Variants in FOXP2 observed in about 807,000 individuals in gnomAD.
FOXP2 encodes forkhead box protein P2.
A neutral mutation model predicts 115.8 loss-of-function variants in FOXP2; 12 were observed. The ratio of observed to expected loss-of-function variants is 0.10; its 90% CI spans 0.07 to 0.17. The LOEUF is 0.17. Ranked by LOEUF, FOXP2 falls within the 10% of genes least tolerant of loss-of-function variation. The probability of loss-of-function intolerance (pLI) is 1.00; values close to 1 mark genes in which losing one functional copy is unlikely to be tolerated. For missense variants in FOXP2, 629 were observed against 843.5 expected, an observed-to-expected ratio of 0.75 and a Z score of 3.15; for synonymous variants, 328 against 297.7, an observed-to-expected ratio of 1.10 and a Z score of -1.05.
At chr7:114,607,221 T>G (rs1468985632) in intron 3 of FOXP2, among the ~76,000 whole-genome samples, 1 of 152,144 alleles carries the variant, frequency 6.6e-6, no homozygotes, top group Non-Finnish European at 1.5e-5. Context: ...CTTTAGTAAA[T>G]GTAATCCACC....
chr7:114,549,210 C>T (rs1008609431), intron 3 of FOXP2, among the ~76,000 whole-genome samples: 2 of 152,152 alleles, frequency 1.3e-5, no homozygotes, highest in Non-Finnish European at 2.9e-5. Context: ...TCATTTTGTT[C>T]CCACATAAAC....
intron 9 of FOXP2, among the ~76,000 whole-genome samples, chr7:114,652,948 C>G (rs1806358049): frequency 6.6e-6 from 1 of 152,032 alleles, no homozygotes; most frequent in Admixed American, 6.6e-5. Flanking sequence ...AATCAGAAAG[C>G]AATTATGTCA....
At chr7:114,563,341 A>G (rs1434556965) in intron 3 of FOXP2, among the ~76,000 whole-genome samples, 2 of 152,196 alleles carry the variant, frequency 1.3e-5, no homozygotes, top group Non-Finnish European at 2.9e-5. Context: ...GAGACTTTTG[A>G]TACAACTTCT....
chr7:114,290,070 G>A (rs1400007546), intron 2 of FOXP2, among the ~76,000 whole-genome samples: 1 of 151,816 alleles, frequency 6.6e-6, no homozygotes, highest in Non-Finnish European at 1.5e-5. Flanking sequence ...GGGACTGATA[G>A]ATCTGTTTAT....
chr7:114,534,489 A>G (rs2129277209), intron 2 of FOXP2, 128 bp from the exon 3 acceptor site: 3 of 812,654 alleles, frequency 3.7e-6, no homozygotes, highest in South Asian at 2.9e-5. Flanking sequence ...AAGATAAACA[A>G]CAATGATTCT....
intron 1 of FOXP2, among the ~76,000 whole-genome samples, chr7:114,418,040 G>T (rs567884568): frequency 6.6e-6 from 1 of 151,978 alleles, no homozygotes; most frequent in East Asian, 1.9e-4. Context: ...TTTTGTGAGG[G>T]TATATTCCTT....
intron 2 of FOXP2, among the ~76,000 whole-genome samples, chr7:114,526,193 A>AAAG: frequency 6.7e-6 from 1 of 148,626 alleles, no homozygotes; most frequent in African/African-American, 2.5e-5. Flanking sequence ...AAAAAAAAAA[A>AAAG]AAGGGCCGGA....
intron 7 of FOXP2, 142 bp downstream of exon 7, chr7:114,642,765 CTTATT>C: frequency 3.7e-6 from 1 of 266,968 alleles, no homozygotes; most frequent in African/African-American, 2.8e-5. Context: ...GATTATTTAT[CTTATT>C]TTATATATAA....
intron 1 of FOXP2, among the ~76,000 whole-genome samples, chr7:114,103,515 G>A (rs1689670018): frequency 6.6e-6 from 1 of 151,944 alleles, no homozygotes; most frequent in Non-Finnish European, 1.5e-5. Flanking sequence ...TGTAAACCTT[G>A]TAGATTACAC....
intron 2 of FOXP2, among the ~76,000 whole-genome samples, chr7:114,365,844 A>G (rs1351170551): frequency 6.6e-6 from 1 of 152,122 alleles, no homozygotes; most frequent in East Asian, 1.9e-4. Flanking sequence ...TCTACCATCT[A>G]TGGCTATTTG....
intron 2 of FOXP2, among the ~76,000 whole-genome samples, chr7:114,457,688 G>T (rs1030343712): frequency 6.6e-6 from 1 of 152,166 alleles, no homozygotes; most frequent in Non-Finnish European, 1.5e-5. Context: ...CACGAGGTCA[G>T]GAGATCGAGA....
chr7:114,484,068 T>A (rs906924234), intron 2 of FOXP2, among the ~76,000 whole-genome samples: 1 of 151,814 alleles, frequency 6.6e-6, no homozygotes, highest in African/African-American at 2.4e-5. Context: ...CAGAATTCCC[T>A]ATAATATAAA....
At chr7:114,381,481 C>T (rs1397847108) in intron 2 of FOXP2, among the ~76,000 whole-genome samples, 8 of 152,174 alleles carry the variant, frequency 5.3e-5, no homozygotes, top group Non-Finnish European at 8.8e-5. Flanking sequence ...TATCCTTGAA[C>T]CCTTGGGGTA....
intron 1 of FOXP2, among the ~76,000 whole-genome samples, chr7:114,147,728 A>T (rs1792415065): frequency 6.6e-6 from 1 of 152,216 alleles, no homozygotes; most frequent in Non-Finnish European, 1.5e-5. Flanking sequence ...GAGCTAGTTT[A>T]TCTCATTAGT....
At chr7:114,673,655 T>C (rs751407715) in intron 16 of FOXP2, among the ~76,000 whole-genome samples, 2 of 152,168 alleles carry the variant, frequency 1.3e-5, no homozygotes, top group Non-Finnish European at 2.9e-5. Flanking sequence ...TATAAAATTA[T>C]GTTTCACTGA....
Position 114,664,717 on chromosome 7 carries a change from T to A in FOXP2, c.2003+281T>A, listed in dbSNP as rs568252567. On this transcript the variant is annotated intron_variant, in intron 16 of 16. Coordinates refer to ENST00000350908, the MANE Select transcript of FOXP2 (RefSeq NM_014491.4). ...GGCATAAAGCAGTGTCTAAGATGAA[T>A]CTACATCTTATGGGTCATTATCACA... The A allele has an allele frequency of 1.5e-4, 64 of 439,394 alleles. No individual in the cohort carries two copies. In the East Asian group the frequency reaches 3.0e-3, roughly 21 times the overall value. 27.2% of individuals were successfully genotyped at this position (439,394 alleles called of 1,614,324 possible).
At position 114,310,103 on chromosome 7, in the gene FOXP2, T is replaced by C. The variant is rs557414683; in HGVS notation, c.-11+21994T>C. ...TTTTGGTTACTGCTACCTTGAGTTATGCCCATCGAGCTGAGTAAGTAAGCA... is the reference window on the plus strand; with the variant it reads ...TTTTGGTTACTGCTACCTTGAGTTACGCCCATCGAGCTGAGTAAGTAAGCA... On this transcript the variant is annotated intron_variant, in intron 2 of 17. Coordinates refer to the FOXP2 transcript ENST00000634411. Among the ~76,000 whole-genome samples, 5 of 152,316 alleles carry C rather than the reference T, an allele frequency of 3.3e-5. No individual in the cohort carries two copies. The Middle Eastern group carries it at 0.01, about 311-fold the overall frequency.
At chr7:114,250,535 C>T (rs1032493631) in intron 1 of FOXP2, among the ~76,000 whole-genome samples, 60 of 152,172 alleles carry the variant, frequency 3.9e-4, no homozygotes, top group African/African-American at 1.3e-3. Context: ...TCTGCATTTC[C>T]CTGATGGCCA....
chr7:114,619,939 T>C lies in FOXP2; in HGVS notation c.259-8601T>C, dbSNP rs563146583. On this transcript the variant is annotated intron_variant, in intron 3 of 16. Transcript: ENST00000350908. ...ATAGTTTTGCATGACAGTACACATGTAAATGTCATTGCATATGTCATTTAT... is the reference window on the plus strand; with the variant it reads ...ATAGTTTTGCATGACAGTACACATGCAAATGTCATTGCATATGTCATTTAT... Among the ~76,000 whole-genome samples, 77 of 152,240 alleles carry C rather than the reference T, an allele frequency of 5.1e-4. 1 individual carries two copies. Among genetic ancestry groups the C allele is most frequent in the Admixed American group, 4.5e-3 (69 of 15,280 alleles).
Sources: gnomAD v4.1 joint callset for allele counts (sites outside exome capture counted in the v4.1 genomes callset) on GRCh38, gnomAD v4.1.1 for gene constraint, MANE v1.5 for transcripts, NCBI Gene and HGNC (gene_info 2026-07-23, HGNC 2026-07-21) for gene names.